SMYD3: variants seen among roughly 807,000 people sequenced by gnomAD.
SMYD3 encodes the protein histone-lysine N-methyltransferase SMYD3.
In SMYD3, 36 loss-of-function variants were observed where a neutral mutation model predicts 57.7. The observed-to-expected ratio is 0.62, with a 90% CI of 0.48 to 0.82. SMYD3 has a LOEUF of 0.82. Ranked by LOEUF, SMYD3 falls within the 40% of genes least tolerant of loss-of-function variation. SMYD3 has a pLI of 0.00. For missense variants in SMYD3, 515 were observed against 538.8 expected, an observed-to-expected ratio of 0.96 and a Z score of 0.44; for synonymous variants, 211 against 195.0, an observed-to-expected ratio of 1.08 and a Z score of -0.68.
In SMYD3 at chr1:246,182,037, T is replaced by C. The variant is rs150040697; in HGVS notation, c.531+145164A>G. ...AAAGAGCACTATTTTAACCTACTTATATAAGGAACAGAAAGAGAAAATTGA... is the reference window on the plus strand; with the variant it reads ...AAAGAGCACTATTTTAACCTACTTACATAAGGAACAGAAAGAGAAAATTGA... On this transcript the variant is annotated intron_variant, in intron 5 of 11. Coordinates refer to ENST00000490107, the MANE Select transcript of SMYD3 (RefSeq NM_001167740.2). Among the ~76,000 whole-genome samples the C allele has an allele frequency of 2.6e-4, 40 of 152,308 alleles. No homozygotes were observed. The East Asian group carries it at 4.8e-3, about 18-fold the overall frequency.
chr1:246,351,829 T>C (rs2065829249), intron 2 of SMYD3, among the ~76,000 whole-genome samples: 1 of 152,070 alleles, frequency 6.6e-6, no homozygotes, highest in Admixed American at 6.5e-5. Flanking sequence ...ATCCTTGTAT[T>C]GCTTATGTTT....
intron 10 of SMYD3, among the ~76,000 whole-genome samples, chr1:245,838,588 T>C (rs543148819): frequency 6.6e-6 from 1 of 152,218 alleles, no homozygotes; most frequent in Non-Finnish European, 1.5e-5. Flanking sequence ...CCTAACATTT[T>C]GTATACCTTC....
At chr1:246,322,019 A>G (rs1424374753) in intron 5 of SMYD3, among the ~76,000 whole-genome samples, 1 of 152,138 alleles carries the variant, frequency 6.6e-6, no homozygotes, top group African/African-American at 2.4e-5. Flanking sequence ...GGCATACCAA[A>G]GTGCTAGGAC....
At chr1:245,930,994 T>C (rs2147852207) in intron 5 of SMYD3, among the ~76,000 whole-genome samples, 1 of 152,190 alleles carries the variant, frequency 6.6e-6, no homozygotes, top group South Asian at 2.1e-4. Context: ...GGCCCTACGC[T>C]AGGAATGCCC....
intron 2 of SMYD3, among the ~76,000 whole-genome samples, chr1:246,340,252 A>C (rs938417040): frequency 2.7e-5 from 4 of 150,028 alleles, no homozygotes; most frequent in African/African-American, 9.7e-5. Flanking sequence ...CAATTACATA[A>C]CAATAAAGAA....
At chr1:246,030,437 GTTGT>G (rs769335696) in intron 5 of SMYD3, among the ~76,000 whole-genome samples, 65 of 152,158 alleles carry the variant, frequency 4.3e-4, no homozygotes, top group Non-Finnish European at 8.5e-4. Context: ...TGGGAGGGAG[GTTGT>G]TTGATGGATA....
intron 8 of SMYD3, among the ~76,000 whole-genome samples, chr1:245,894,231 G>C (rs2053593719): frequency 6.6e-6 from 1 of 151,888 alleles, no homozygotes; most frequent in Non-Finnish European, 1.5e-5. Context: ...GCTAGCTAGA[G>C]GTTTGTAAAA....
At chr1:245,958,895 G>T (rs911607576) in intron 5 of SMYD3, among the ~76,000 whole-genome samples, 2 of 152,068 alleles carry the variant, frequency 1.3e-5, no homozygotes. Flanking sequence ...GGAGCATTAA[G>T]AACTCTTTTT....
chr1:246,474,915 T>C (rs376861904), intron 1 of SMYD3, among the ~76,000 whole-genome samples: 12 of 152,168 alleles, frequency 7.9e-5, no homozygotes, highest in Middle Eastern at 3.4e-3. Flanking sequence ...ACTAAGAAAA[T>C]TGGTCCTATC....
At chr1:246,163,046 A>G (rs1237111390) in intron 5 of SMYD3, among the ~76,000 whole-genome samples, 2 of 152,160 alleles carry the variant, frequency 1.3e-5, no homozygotes, top group Non-Finnish European at 2.9e-5. Flanking sequence ...ACTAATTTTT[A>G]TCATTCTTTC....
chr1:245,796,719 G>A (rs1217563379), intron 10 of SMYD3, among the ~76,000 whole-genome samples: 2 of 152,200 alleles, frequency 1.3e-5, no homozygotes, highest in Non-Finnish European at 2.9e-5. Context: ...GAGTGTGGAG[G>A]AGAGCAGAGT....
chr1:246,398,849 T>C (rs1166471555), intron 1 of SMYD3, among the ~76,000 whole-genome samples: 2 of 152,148 alleles, frequency 1.3e-5, no homozygotes, highest in African/African-American at 2.4e-5. Flanking sequence ...TGACAAGAGC[T>C]ATATAAAATA....
chr1:246,423,544 G>T (rs563857352), intron 1 of SMYD3, among the ~76,000 whole-genome samples: 2 of 151,808 alleles, frequency 1.3e-5, no homozygotes, highest in Admixed American at 6.6e-5. Context: ...CTAAAAAAAT[G>T]TTTTAAAGTA....
At chr1:246,150,884 A>T (rs2061930556) in intron 5 of SMYD3, among the ~76,000 whole-genome samples, 1 of 152,220 alleles carries the variant, frequency 6.6e-6, no homozygotes, top group Admixed American at 6.5e-5. Context: ...ATCCTAAAAG[A>T]GATGGAGGAA....
At chr1:246,159,431 C>A (rs1030487598) in intron 5 of SMYD3, among the ~76,000 whole-genome samples, 3 of 152,118 alleles carry the variant, frequency 2.0e-5, no homozygotes, top group African/African-American at 7.2e-5. Context: ...TTCCTATCCG[C>A]AAATAGTACC....
chr1:246,502,510 T>A (rs140882851), intron 1 of SMYD3, among the ~76,000 whole-genome samples: 2 of 152,194 alleles, frequency 1.3e-5, no homozygotes, highest in African/African-American at 4.8e-5. Flanking sequence ...ATATTCCTCA[T>A]GAATATCTAC....
At chr1:245,838,687 C>T (rs966938817) in intron 10 of SMYD3, among the ~76,000 whole-genome samples, 4 of 152,298 alleles carry the variant, frequency 2.6e-5, no homozygotes, top group Non-Finnish European at 5.9e-5. Context: ...GTTTAAGTCT[C>T]GTTAGTGTCA....
At chr1:246,103,580 G>A (rs541152108) in intron 5 of SMYD3, among the ~76,000 whole-genome samples, 120 of 152,076 alleles carry the variant, frequency 7.9e-4, no homozygotes, top group Admixed American at 1.8e-3. Context: ...AGTTGAGGTC[G>A]TTATCATCTC....
intron 8 of SMYD3, among the ~76,000 whole-genome samples, chr1:245,879,526 C>T (rs555033056): frequency 3.3e-4 from 50 of 152,322 alleles, no homozygotes; most frequent in Non-Finnish European, 5.7e-4. Flanking sequence ...AGAGTCGCTG[C>T]TTCAAGCGTG....
Sources: allele counts gnomAD v4.1 joint callset (sites outside exome capture counted in the v4.1 genomes callset), GRCh38; gene constraint gnomAD v4.1.1; transcripts MANE v1.5; gene names NCBI Gene and HGNC (gene_info 2026-07-23, HGNC 2026-07-21).